Variants in GHR observed in about 807,000 individuals in gnomAD.
GHR encodes GH receptor.
In GHR, 35 loss-of-function variants were observed where a neutral mutation model predicts 67.1. The ratio of observed to expected loss-of-function variants is 0.52; its 90% confidence interval spans 0.40 to 0.69. The LOEUF is 0.69. Among genes scored for constraint, GHR ranks in the 30% least tolerant of loss-of-function variants. The pLI, the probability that GHR is intolerant of heterozygous loss-of-function variation, is 0.00. For missense variants in GHR, 792 were observed against 764.6 expected (o/e 1.04, Z -0.42); for synonymous variants, 272 against 269.1 (o/e 1.01, Z -0.10).
At chr5:42,565,801 T>C in intron 1 of GHR, 63 bp from the exon 2 acceptor site, 8 of 1,613,242 alleles carry the variant, frequency 5.0e-6, no homozygotes, top group Non-Finnish European at 5.1e-6. Context: ...CTTTAAACAG[T>C]ATTTCATGAT....
intron 3 of GHR, among the ~76,000 whole-genome samples, chr5:42,679,129 T>G (rs1222097830): frequency 3.6e-5 from 5 of 140,032 alleles, no homozygotes; most frequent in Non-Finnish European, 6.1e-5. Context: ...TATTATATAT[T>G]AATTAATATA....
chr5:42,456,003 C>T (rs540092150), intron 1 of GHR, among the ~76,000 whole-genome samples: 1 of 152,342 alleles, frequency 6.6e-6, no homozygotes, highest in East Asian at 1.9e-4. Context: ...AATTATCTTA[C>T]TCTTGACCAA....
At chr5:42,666,481 A>G (rs1354111821) in intron 3 of GHR, among the ~76,000 whole-genome samples, 1 of 152,214 alleles carries the variant, frequency 6.6e-6, no homozygotes, top group Non-Finnish European at 1.5e-5. Context: ...AAAGTGAAAT[A>G]TAGCCCTATC....
rs777383646 is a variant in GHR at position 42,718,590 on chromosome 5, C to G, written c.1083C>G (p.Asp361Glu). The G allele has an allele frequency of 6.2e-7, 1 of 1,614,102 alleles. No individual in the cohort carries two copies. Among genetic ancestry groups the G allele is most frequent in the South Asian group, 1.1e-5 (1 of 91,078 alleles). ...DEPDEKTEESDTDRLLSSDHE... is the reference protein window; with the variant it reads ...DEPDEKTEESETDRLLSSDHE... The stretch of plus-strand genomic sequence containing the variant: ...CAGATGAAAAGACTGAGGAATCAGA[C>G]ACAGACAGACTTCTAAGCAGTGACC... Residue 361 changes from aspartate to glutamate, a missense_variant, in exon 10 of 10, where the codon GAC (aspartate) becomes GAG (glutamate). Asp to Glu is a conservative substitution (Grantham distance 45). Coordinates refer to ENST00000230882, the MANE Select transcript of GHR (RefSeq NM_000163.5).
At chr5:42,518,340 C>T (rs1316791006) in intron 1 of GHR, among the ~76,000 whole-genome samples, 1 of 152,032 alleles carries the variant, frequency 6.6e-6, no homozygotes, top group Non-Finnish European at 1.5e-5. Context: ...TCAACATGGT[C>T]TTCTTGAGGT....
chr5:42,540,362 A>T (rs1039658463), intron 1 of GHR, among the ~76,000 whole-genome samples: 1 of 152,192 alleles, frequency 6.6e-6, no homozygotes, highest in Non-Finnish European at 1.5e-5. Context: ...CTTGTTTCAA[A>T]TATAGTAATT....
chr5:42,593,964 T>C (rs185435486), intron 2 of GHR, among the ~76,000 whole-genome samples: 216 of 152,312 alleles, frequency 1.4e-3, no homozygotes, highest in African/African-American at 4.7e-3. Context: ...CCACCCAAGA[T>C]TGTCCCTCAG....
intron 3 of GHR, among the ~76,000 whole-genome samples, chr5:42,636,397 G>A (rs1754195396): frequency 6.6e-6 from 1 of 152,148 alleles, no homozygotes; most frequent in Admixed American, 6.5e-5. Flanking sequence ...TGACCCCAAT[G>A]GGTGGTGAAC....
chr5:42,690,209 T>C (rs1268422426), intron 4 of GHR, among the ~76,000 whole-genome samples: 3 of 152,208 alleles, frequency 2.0e-5, no homozygotes, highest in African/African-American at 7.2e-5. Context: ...AGAGCTGGAA[T>C]AGGGAAGGAA....
intron 1 of GHR, among the ~76,000 whole-genome samples, chr5:42,448,154 T>G (rs1016976117): frequency 3.3e-5 from 5 of 152,198 alleles, no homozygotes; most frequent in African/African-American, 1.2e-4. Context: ...CTTTTAGTTC[T>G]TTAAGGAATC....
At chr5:42,544,952 G>C (rs1228704061) in intron 1 of GHR, among the ~76,000 whole-genome samples, 1 of 152,112 alleles carries the variant, frequency 6.6e-6, no homozygotes, top group Non-Finnish European at 1.5e-5. Flanking sequence ...GGGGTACTAT[G>C]TTTCTTCAGC....
At chr5:42,534,165 C>T (rs1561102343) in intron 1 of GHR, among the ~76,000 whole-genome samples, 8 of 86,208 alleles carry the variant, frequency 9.3e-5, no homozygotes, top group African/African-American at 1.6e-4. Context: ...TATATATGTA[C>T]ATATGTATAT....
intron 1 of GHR, among the ~76,000 whole-genome samples, chr5:42,562,583 T>C (rs1749670570): frequency 6.6e-6 from 1 of 152,044 alleles, no homozygotes; most frequent in African/African-American, 2.4e-5. Context: ...GTTTGTTTTT[T>C]GTTTTGATAG....
intron 3 of GHR, among the ~76,000 whole-genome samples, chr5:42,655,631 T>G (rs542414066): frequency 5.3e-5 from 8 of 152,202 alleles, no homozygotes; most frequent in Admixed American, 4.6e-4. Flanking sequence ...GTTATATATA[T>G]GTACAAGGTT....
chr5:42,615,907 A>G (rs1580060925), intron 2 of GHR, among the ~76,000 whole-genome samples: 1 of 152,120 alleles, frequency 6.6e-6, no homozygotes, highest in East Asian at 1.9e-4. Context: ...GATTCTAATG[A>G]TTGGAAATAA....
At chr5:42,474,455 G>T (rs1745205057) in intron 1 of GHR, among the ~76,000 whole-genome samples, 1 of 152,270 alleles carries the variant, frequency 6.6e-6, no homozygotes, top group African/African-American at 2.4e-5. Context: ...CTGCTGTCTG[G>T]TGAGTAGTCA....
intron 1 of GHR, among the ~76,000 whole-genome samples, chr5:42,541,795 G>A (rs571878554): frequency 6.6e-6 from 1 of 152,248 alleles, no homozygotes; most frequent in East Asian, 1.9e-4. Flanking sequence ...TGTTACTTAT[G>A]GGGTATCAGT....
At chr5:42,576,476 T>TA (rs1750751824) in intron 2 of GHR, among the ~76,000 whole-genome samples, 2 of 152,234 alleles carry the variant, frequency 1.3e-5, no homozygotes, top group East Asian at 3.8e-4. Context: ...AGGCTAATTG[T>TA]ATTCAGTAAC....
intron 1 of GHR, among the ~76,000 whole-genome samples, chr5:42,502,411 A>T (rs941370567): frequency 6.6e-6 from 1 of 152,174 alleles, no homozygotes; most frequent in African/African-American, 2.4e-5. Context: ...CTGCTTTAGG[A>T]TCCAGAATCT....
Sources: gnomAD v4.1 joint callset for allele counts (sites outside exome capture counted in the v4.1 genomes callset) on GRCh38, gnomAD v4.1.1 for gene constraint, MANE v1.5 for transcripts, NCBI Gene and HGNC (gene_info 2026-07-23, HGNC 2026-07-21) for gene names.